The following XIRP1 variants were observed in gnomAD, a reference collection of about 807,000 sequenced individuals.
XIRP1 encodes xin actin-binding repeat-containing protein 1.
For synonymous variants in XIRP1, 984 were observed against 947.0 expected (o/e 1.04, Z -0.72); for missense variants, 2,378 against 2,345.4 (o/e 1.01, Z -0.29).
chr3:39,189,581 C>G, intron 1 of XIRP1, 56 bp from the exon 2 acceptor site: 3 of 1,326,482 alleles, frequency 2.3e-6, no homozygotes, highest in South Asian at 3.0e-5. Context: ...GGGTGACTTA[C>G]GCTTAGAGAC....
Position 39,186,646 on chromosome 3 carries a change from C to G in XIRP1, c.2800G>C (p.Asp934His), listed in dbSNP as rs748818792. The change falls in exon 2 of 2, where the codon GAT (aspartate) becomes CAT (histidine). Residue 934 changes from aspartate (D) to histidine (H), a missense_variant. Coordinates refer to ENST00000340369, the MANE Select transcript of XIRP1 (RefSeq NM_194293.4). ...TGCAGGCCACTCAGGTCTCCTTTATCTATGCAGCTGGCCAACAGCTGCACG... is the reference window on the plus strand; with the variant it reads ...TGCAGGCCACTCAGGTCTCCTTTATGTATGCAGCTGGCCAACAGCTGCACG... ...SSVQLLASCIDKGDLSGLHSL... is the reference protein window; with the variant it reads ...SSVQLLASCIHKGDLSGLHSL... 1.8e-5 allele frequency: 29 copies of G among 1,613,202 alleles called. No individual in the cohort carries two copies. The South Asian group carries it at 2.7e-4, about 15-fold the overall frequency.
At chr3:39,191,532 C>T (rs887806414) in intron 1 of XIRP1, among the ~76,000 whole-genome samples, 3 of 152,222 alleles carry the variant, frequency 2.0e-5, no homozygotes, top group African/African-American at 4.8e-5. Context: ...TCCAAGGAGG[C>T]TCAGCAAGGC....
At position 39,185,143 on chromosome 3, in the gene XIRP1, G is replaced by A. The variant is rs2039940899; in HGVS notation, c.4303C>T (p.Pro1435Ser). The A allele has an allele frequency of 6.3e-7, 1 of 1,593,336 alleles. No individual in the cohort carries two copies. The highest frequency in any genetic ancestry group is 1.7e-5 in the Admixed American group (1 of 57,270). ...CCGGGGCCCCACTGTGGTGAGGTGGGATCATGGTTGAGGGCATTGAGCTTG... is the reference window on the plus strand; with the variant it reads ...CCGGGGCCCCACTGTGGTGAGGTGGAATCATGGTTGAGGGCATTGAGCTTG... ...PPKLNALNHD[P>S]TSPQWGPGPS... The change falls in exon 2 of 2, where the codon CCC becomes TCC. Residue 1435 changes from proline to serine, a missense_variant. Pro to Ser is a moderately conservative substitution (Grantham distance 74). Transcript: ENST00000340369.
In XIRP1 at chr3:39,184,873, C is replaced by T. The variant is rs751604282; in HGVS notation, c.4573G>A (p.Ala1525Thr). Residue 1525 changes from alanine to threonine, a missense_variant, in exon 2 of 2, where the codon GCC (alanine) becomes ACC (threonine). Ala to Thr is a moderately conservative substitution (Grantham distance 58). Coordinates refer to ENST00000340369, the MANE Select transcript of XIRP1 (RefSeq NM_194293.4). ...HQKPEASVEQ[A>T]FGELTRVSTE... Reference sequence around the variant, plus strand: ...CTGACCCGTGTCAGCTCCCCAAAGGCCTGCTCCACTGAGGCCTCGGGCTTT... The same window carrying T: ...CTGACCCGTGTCAGCTCCCCAAAGGTCTGCTCCACTGAGGCCTCGGGCTTT... 4.4e-6 allele frequency: 7 copies of T among 1,604,872 alleles called. No homozygotes were observed. The highest frequency in any genetic ancestry group is 3.3e-4 in the Middle Eastern group (2 of 6,028).
Position 39,189,257 on chromosome 3 carries a change from A to G in XIRP1, c.189T>C (p.Pro63=), listed in dbSNP as rs750070539. 2 of 1,613,624 alleles carry G rather than the reference A, an allele frequency of 1.2e-6. No homozygotes were observed. The highest frequency in any genetic ancestry group is 1.7e-6 in the Non-Finnish European group (2 of 1,179,940). The change falls in exon 2 of 2, where the codon CCT becomes CCC. Residue 63 remains proline, a synonymous_variant. Coordinates refer to ENST00000340369, the MANE Select transcript of XIRP1 (RefSeq NM_194293.4). Reference sequence around the variant, plus strand: ...CCTCAGCCAGATTCTTGCGGAGCTCAGGGTGGATGTGCCTGTAGAGGCGGC... The same window carrying G: ...CCTCAGCCAGATTCTTGCGGAGCTCGGGGTGGATGTGCCTGTAGAGGCGGC... ...ELRRLYRHIH[P]ELRKNLAEAV... is the part of the protein sequence containing the mutation.
rs112133634 is a variant in XIRP1, at chr3:39,188,148, T to C, written c.1298A>G (p.Glu433Gly). The C allele has an allele frequency of 6.2e-7, 1 of 1,614,058 alleles. No homozygotes were observed. Among genetic ancestry groups the C allele is most frequent in the Non-Finnish European group, 8.5e-7 (1 of 1,180,034 alleles). ...PFSQSAPQRD[E>G]LKGDVKTFKN... ...AAAAGTCTTCACATCCCCCTTTAGC[T>C]CATCCCTCTGGGGGGCACTCTGAGA... The change falls in exon 2 of 2, where the codon GAG (glutamate) becomes GGG (glycine). Residue 433 changes from glutamate (E) to glycine (G), a missense_variant. By Grantham distance (98) the Glu-to-Gly change is moderately conservative (BLOSUM62 -2). Transcript: ENST00000340369.
Position 39,186,415 on chromosome 3 carries a change from G to C in XIRP1, c.3031C>G (p.Pro1011Ala). 1 of 1,614,200 alleles carries C rather than the reference G, an allele frequency of 6.2e-7. No individual in the cohort carries two copies. Among genetic ancestry groups the C allele is most frequent in the Non-Finnish European group, 8.5e-7 (1 of 1,180,038 alleles). The change falls in exon 2 of 2, where the codon CCA becomes GCA. Residue 1011 changes from proline (P) to alanine (A), a missense_variant. Transcript: ENST00000340369. ...AVPLAGEAAA[P>A]AQLQNTEKQE... ...TTTTCTGTGTTTTGCAATTGGGCTG[G>C]TGCTGCAGCTTCCCCAGCCAGAGGG...
chr3:39,191,868 C>T (rs1303463736), intron 1 of XIRP1, among the ~76,000 whole-genome samples: 1 of 152,226 alleles, frequency 6.6e-6, no homozygotes, highest in Non-Finnish European at 1.5e-5. Context: ...CTGGGCAAGA[C>T]TATGGACATG....
rs199525327 is a variant in XIRP1, at chr3:39,187,678, C to T, written c.1768G>A (p.Asp590Asn). ...AACAACCACCGGATGGTCTGCACAT[C>T]GCCCTTTGGGGGTGCCTCAGGCTGG... ...DPQPEAPPKG[D>N]VQTIRWLFET... is the part of the protein sequence containing the mutation. Residue 590 changes from aspartate to asparagine, a missense_variant, in exon 2 of 2, where the codon GAT becomes AAT. Physicochemically the swap from Asp to Asn is conservative, Grantham distance 23. Coordinates refer to ENST00000340369, the MANE Select transcript of XIRP1 (RefSeq NM_194293.4). 40 of 1,613,968 alleles carry T rather than the reference C, an allele frequency of 2.5e-5. No individual in the cohort carries two copies. The highest frequency in any genetic ancestry group is 5.5e-5 in the South Asian group (5 of 91,092).
Position 39,186,925 on chromosome 3 carries a change from C to A in XIRP1, c.2521G>T (p.Asp841Tyr). 6.2e-7 allele frequency: 1 copy of A among 1,613,876 alleles called. No homozygotes were observed. Residue 841 changes from aspartate (D) to tyrosine (Y), a missense_variant, in exon 2 of 2, where the codon GAC (aspartate) becomes TAC (tyrosine). Coordinates refer to ENST00000340369, the MANE Select transcript of XIRP1 (RefSeq NM_194293.4). ...TCCTGCACCAGCAGCCCCTGCTGGTCCACATCTGGCCGGCGCAGGACTTGG... is the reference window on the plus strand; with the variant it reads ...TCCTGCACCAGCAGCCCCTGCTGGTACACATCTGGCCGGCGCAGGACTTGG... ...ICQVLRRPDV[D>Y]QQGLLVQEDP...
chr3:39,185,418 G>A lies in XIRP1; in HGVS notation c.4028C>T (p.Pro1343Leu). 1.9e-6 allele frequency: 3 copies of A among 1,612,992 alleles called. No individual in the cohort carries two copies. Among genetic ancestry groups the A allele is most frequent in the African/African-American group, 1.3e-5 (1 of 75,036 alleles). Residue 1343 changes from proline (P) to leucine (L), a missense_variant, in exon 2 of 2, where the codon CCC (proline) becomes CTC (leucine). Physicochemically the swap from Pro to Leu is moderately conservative, Grantham distance 98. Coordinates refer to ENST00000340369, the MANE Select transcript of XIRP1 (RefSeq NM_194293.4). The part of the protein sequence containing the change: ...LTQSHPPQRL[P>L]KPLPLSPSFS... ...GCTGGGAGATAGAGGCAAGGGCTTGGGCAGCCTCTGAGGAGGGTGGCTCTG... is the reference window on the plus strand; with the variant it reads ...GCTGGGAGATAGAGGCAAGGGCTTGAGCAGCCTCTGAGGAGGGTGGCTCTG...
rs142022674 is a variant in XIRP1 at position 39,186,731 on chromosome 3, G to A, written c.2715C>T (p.Val905=). 48 of 1,613,846 alleles carry A rather than the reference G, an allele frequency of 3.0e-5. No individual in the cohort carries two copies. Among genetic ancestry groups the A allele is most frequent in the East Asian group, 1.8e-4 (8 of 44,892 alleles). The change falls in exon 2 of 2, where the codon GTC becomes GTT. Residue 905 remains valine (V), a synonymous_variant. Coordinates refer to ENST00000340369, the MANE Select transcript of XIRP1 (RefSeq NM_194293.4). ...GCTGCAGAGAGTAGGCAGTCAGTGC[G>A]ACCAGGCCCTGCTCTGTCTCCTGCA... ...LVMQETEQGL[V]ALTAYSLQPR... is the part of the protein sequence containing the mutation.
chr3:39,187,766 C>A lies in XIRP1; in HGVS notation c.1680G>T (p.Glu560Asp). The A allele has an allele frequency of 6.2e-7, 1 of 1,614,182 alleles. No individual in the cohort carries two copies. The highest frequency in any genetic ancestry group is 1.1e-5 in the South Asian group (1 of 91,080). Residue 560 changes from glutamate to aspartate, a missense_variant, in exon 2 of 2, where the codon GAG becomes GAT. Transcript: ENST00000340369. Reference protein sequence around the residue: ...ARWLFETQPLEMIHQREQQER... With the variant: ...ARWLFETQPLDMIHQREQQER... ...CCTGCTGCTCCCGTTGGTGGATCATCTCCAGGGGCTGGGTCTCAAAAAGCC... is the reference window on the plus strand; with the variant it reads ...CCTGCTGCTCCCGTTGGTGGATCATATCCAGGGGCTGGGTCTCAAAAAGCC...
chr3:39,183,547 G>A lies in XIRP1; in HGVS notation c.*367C>T, dbSNP rs576836412. The A allele has an allele frequency of 4.4e-6, 1 of 225,810 alleles. No individual in the cohort carries two copies. Among genetic ancestry groups the A allele is most frequent in the South Asian group, 1.1e-4 (1 of 9,520 alleles). 14.0% of individuals were successfully genotyped at this position (225,810 alleles called of 1,614,324 possible). A position where few individuals can be genotyped will look rare whatever the true frequency, so the allele number is the denominator to read the frequency against. On this transcript the variant is annotated 3_prime_UTR_variant, in exon 2 of 2. Coordinates refer to ENST00000340369, the MANE Select transcript of XIRP1 (RefSeq NM_194293.4). ...TAAAGAAATAAAAACTCTGGGTAGA[G>A]GGACACTCTGGGGGGCTCCAATTCA...
Position 39,186,320 on chromosome 3 carries a change from G to T in XIRP1, c.3126C>A (p.Thr1042=), listed in dbSNP as rs2125900626. ...VLGKSEGATT[T]PPGPGAPDLL... is the part of the protein sequence containing the mutation. ...GGTCTGGGGCCCCAGGCCCCGGAGG[G>T]GTAGTCGTGGCTCCTTCTGACTTTC... is the stretch of plus-strand genomic sequence containing the variant. The change falls in exon 2 of 2, where the codon ACC becomes ACA. Residue 1042 remains threonine, a synonymous_variant. Coordinates refer to ENST00000340369, the MANE Select transcript of XIRP1 (RefSeq NM_194293.4). 1 of 1,614,114 alleles carries T rather than the reference G, an allele frequency of 6.2e-7. No individual in the cohort carries two copies. Among genetic ancestry groups the T allele is most frequent in the East Asian group, 2.2e-5 (1 of 44,866 alleles).
Position 39,186,812 on chromosome 3 carries a change from G to A in XIRP1, c.2634C>T (p.Leu878=). 1.9e-6 allele frequency: 3 copies of A among 1,613,978 alleles called. No individual in the cohort carries two copies. Among genetic ancestry groups the A allele is most frequent in the Non-Finnish European group, 2.5e-6 (3 of 1,179,904 alleles). The change falls in exon 2 of 2, where the codon CTC becomes CTT. Residue 878 remains leucine (L), a synonymous_variant. Transcript: ENST00000340369. ...CAAGACCGCAAGCCAGCAGCTGCTG[G>A]AGCTCAGGGTCCATGTCTTCAATAT... ...SGNIEDMDPE[L]QQLLACGLGT...
intron 1 of XIRP1, among the ~76,000 whole-genome samples, chr3:39,190,574 AG>A (rs1412134858): frequency 2.0e-5 from 3 of 152,152 alleles, no homozygotes; most frequent in South Asian, 2.1e-4. Flanking sequence ...GCTCGGACTC[AG>A]GGGGGCTTCA....
rs1350831804 is a variant in XIRP1 at position 39,183,692 on chromosome 3, C to T, written c.*222G>A. 12 of 720,834 alleles carry T rather than the reference C, an allele frequency of 1.7e-5. No individual in the cohort carries two copies. The highest frequency in any genetic ancestry group is 4.2e-5 in the South Asian group (2 of 47,508). 44.7% of individuals were successfully genotyped at this position (720,834 alleles called of 1,614,324 possible). ...GCTGGGAGCCCCCATCCTACCCCCA[C>T]GCCTGTGCAACTCTGTGGGCCTCTT... On this transcript the variant is annotated 3_prime_UTR_variant, in exon 2 of 2. Transcript: ENST00000340369.
Position 39,187,422 on chromosome 3 carries a change from C to T in XIRP1, c.2024G>A (p.Cys675Tyr). The change falls in exon 2 of 2, where the codon TGT (cysteine) becomes TAT (tyrosine). Residue 675 changes from cysteine (C) to tyrosine (Y), a missense_variant. Physicochemically the swap from Cys to Tyr is radical, Grantham distance 194 (BLOSUM62 -2). Transcript: ENST00000340369. ...TEPLQASGRP[C>Y]GRRPVRYCSR... ...GCAGTATCTCACAGGCCGTCTTCCACAGGGACGGCCTGAGGCCTGAAGAGG... is the reference window on the plus strand; with the variant it reads ...GCAGTATCTCACAGGCCGTCTTCCATAGGGACGGCCTGAGGCCTGAAGAGG... 6.2e-7 allele frequency: 1 copy of T among 1,614,214 alleles called. No individual in the cohort carries two copies. Among genetic ancestry groups the T allele is most frequent in the Non-Finnish European group, 8.5e-7 (1 of 1,180,050 alleles).
Sources: allele counts gnomAD v4.1 joint callset (sites outside exome capture counted in the v4.1 genomes callset), GRCh38; gene constraint gnomAD v4.1.1; transcripts MANE v1.5; gene names NCBI Gene and HGNC (gene_info 2026-07-23, HGNC 2026-07-21).